The following ALOX5 variants were observed in gnomAD, a reference collection of about 807,000 sequenced individuals.
The protein encoded by ALOX5 is arachidonate 5-lipoxygenase, also known as polyunsaturated fatty acid 5-lipoxygenase.
Under a neutral mutation model 87.9 loss-of-function variants are expected in ALOX5, and 64 were observed. That is an observed-to-expected ratio of 0.73 (90% CI 0.60 to 0.90). The LOEUF is 0.90. Ranked by LOEUF, ALOX5 falls within the 40% of genes least tolerant of loss-of-function variation. The pLI is 0.00. For missense variants in ALOX5, 822 were observed against 907.5 expected, an observed-to-expected ratio of 0.91 and a Z score of 1.21; for synonymous variants, 388 against 355.1, an observed-to-expected ratio of 1.09 and a Z score of -1.04.
At chr10:45,393,777 G>C (rs931310291) in intron 2 of ALOX5, among the ~76,000 whole-genome samples, 16 of 152,176 alleles carry the variant, frequency 1.1e-4, no homozygotes, top group Admixed American at 7.9e-4. Context: ...CAAAATCAAT[G>C]TGCAAGAATC....
chr10:45,397,907 A>C (rs1840567877), intron 3 of ALOX5, among the ~76,000 whole-genome samples: 1 of 152,222 alleles, frequency 6.6e-6, no homozygotes. Flanking sequence ...TTAAAATGGC[A>C]ATACCCCACA....
At chr10:45,427,784 C>A (rs1315577545) in intron 6 of ALOX5, among the ~76,000 whole-genome samples, 7 of 152,192 alleles carry the variant, frequency 4.6e-5, no homozygotes, top group African/African-American at 1.7e-4. Context: ...CTGCGGGACC[C>A]ACTGCGCGGC....
chr10:45,413,360 G>A (rs547899255), intron 4 of ALOX5, among the ~76,000 whole-genome samples: 5 of 152,180 alleles, frequency 3.3e-5, no homozygotes, highest in Admixed American at 6.5e-5. Flanking sequence ...TATCTCAATA[G>A]ATGCAGAAAA....
intron 7 of ALOX5, among the ~76,000 whole-genome samples, chr10:45,437,614 GC>G (rs1053420215): frequency 6.6e-6 from 1 of 152,150 alleles, no homozygotes; most frequent in African/African-American, 2.4e-5. Context: ...GTGCTCACAG[GC>G]ATGTCCCAGC....
chr10:45,409,754 C>T (rs1287700850), intron 3 of ALOX5, among the ~76,000 whole-genome samples: 1 of 152,224 alleles, frequency 6.6e-6, no homozygotes, highest in African/African-American at 2.4e-5. Context: ...TGTCTGTGGC[C>T]ATGCAGGCCT....
rs772760111 is a variant in ALOX5, at chr10:45,443,110, C to T, written c.1345C>T (p.Leu449=). 2 of 1,613,838 alleles carry T rather than the reference C, an allele frequency of 1.2e-6. No individual in the cohort carries two copies. The highest frequency in any genetic ancestry group is 1.7e-6 in the Non-Finnish European group (2 of 1,180,014). The change falls in exon 10 of 14, where the codon CTG becomes TTG. Residue 449 remains leucine (L), a synonymous_variant. Transcript: ENST00000374391. The part of the protein sequence containing the change: ...RAMKDLTYAS[L]CFPEAIKARG... ...CATGAAGGACCTGACCTATGCCTCC[C>T]TGTGCTTTCCCGAGGCCATCAAGGC...
At chr10:45,440,751 C>T in intron 8 of ALOX5, 118 bp downstream of exon 8, 3 of 1,128,920 alleles carry the variant, frequency 2.7e-6, no homozygotes, top group Non-Finnish European at 2.5e-6. Context: ...AAAGGGAGCC[C>T]TGGAGAGATG....
rs765143957 is a variant in ALOX5 at position 45,444,283 on chromosome 10, C to A, written c.1842C>A (p.Asn614Lys). The A allele has an allele frequency of 8.4e-6, 13 of 1,552,220 alleles. No homozygotes were observed. Among genetic ancestry groups the A allele is most frequent in the South Asian group, 8.3e-5 (7 of 84,246 alleles). Residue 614 changes from asparagine (N) to lysine (K), a missense_variant, in exon 13 of 14, where the codon AAC (asparagine) becomes AAA (lysine). Transcript: ENST00000374391. ...AVWALSQFQE[N>K]ELFLGMYPEE... ...GGGCGCTGAGCCAGTTCCAGGAAAACGAGGTGAAGCTGGGCAGGGCGGGGC... is the reference window on the plus strand; with the variant it reads ...GGGCGCTGAGCCAGTTCCAGGAAAAAGAGGTGAAGCTGGGCAGGGCGGGGC...
chr10:45,431,016 T>C (rs1389320566), intron 7 of ALOX5, among the ~76,000 whole-genome samples: 1 of 152,230 alleles, frequency 6.6e-6, no homozygotes. Context: ...GTGTATTAAA[T>C]GACTATATGT....
In ALOX5 at chr10:45,374,462, G is replaced by C. The variant is rs199905570; in HGVS notation, c.150+33G>C. On this transcript the variant is annotated intron_variant, in intron 1 of 13. Coordinates refer to ENST00000374391, the MANE Select transcript of ALOX5 (RefSeq NM_000698.5). The stretch of plus-strand genomic sequence containing the variant: ...CGGGCGGGGCACGGGTGGAGCGCGG[G>C]CTGAGGTGCGTCCGGGACCCGGTTT... 4.8e-4 allele frequency: 717 copies of C among 1,497,150 alleles called. 5 individuals are homozygous for C. In the African/African-American group the frequency reaches 9.4e-3, roughly 20 times the overall value. 92.7% of individuals were successfully genotyped at this position (1,497,150 alleles called of 1,614,324 possible).
intron 3 of ALOX5, among the ~76,000 whole-genome samples, 185 bp from the exon 4 acceptor site, chr10:45,412,006 G>C (rs10900215): frequency 0.18 from 27,452 of 152,158 alleles, 2,882 homozygotes; most frequent in African/African-American, 0.26. Flanking sequence ...AAGTTGGTGC[G>C]ACTGGACTTT....
chr10:45,386,029 C>T (rs1839994983), intron 2 of ALOX5, among the ~76,000 whole-genome samples: 1 of 151,930 alleles, frequency 6.6e-6, no homozygotes, highest in Admixed American at 6.6e-5. Context: ...GTAGAGAGAC[C>T]CCATCTCTAC....
intron 7 of ALOX5, among the ~76,000 whole-genome samples, chr10:45,431,869 G>A (rs1026060422): frequency 1.3e-5 from 2 of 152,104 alleles, no homozygotes; most frequent in Non-Finnish European, 2.9e-5. Context: ...ACCGCACCCG[G>A]CCAACTATAA....
intron 2 of ALOX5, among the ~76,000 whole-genome samples, chr10:45,383,172 C>A (rs1371396777): frequency 6.6e-6 from 1 of 152,236 alleles, no homozygotes; most frequent in Non-Finnish European, 1.5e-5. Context: ...TCTGAGGAGC[C>A]ATGGACAAGC....
chr10:45,444,214 G>A lies in ALOX5; in HGVS notation c.1773G>A (p.Thr591=), dbSNP rs1842356020. 2 of 1,555,172 alleles carry A rather than the reference G, an allele frequency of 1.3e-6. No homozygotes were observed. The highest frequency in any genetic ancestry group is 2.4e-5 in the East Asian group (1 of 41,564). The stretch of plus-strand genomic sequence containing the variant: ...TGACCATTGAGCAGATCGTGGACAC[G>A]CTGCCCGACCGCGGCCGCTCCTGCT... ...GVVTIEQIVD[T]LPDRGRSCWH... Residue 591 remains threonine (T), a synonymous_variant, in exon 13 of 14, where the codon ACG becomes ACA. Coordinates refer to ENST00000374391, the MANE Select transcript of ALOX5 (RefSeq NM_000698.5).
intron 6 of ALOX5, among the ~76,000 whole-genome samples, chr10:45,426,790 C>A (rs1459574156): frequency 6.6e-6 from 1 of 152,212 alleles, no homozygotes; most frequent in Non-Finnish European, 1.5e-5. Context: ...ATGTCTCAAT[C>A]CTCTGCCTCT....
At chr10:45,381,865 T>A (rs1588979323) in intron 1 of ALOX5, among the ~76,000 whole-genome samples, 1 of 152,260 alleles carries the variant, frequency 6.6e-6, no homozygotes, top group East Asian at 1.9e-4. Context: ...GGTAAATGAA[T>A]TCAGGAGTTC....
At chr10:45,386,571 G>A (rs1023065630) in intron 2 of ALOX5, among the ~76,000 whole-genome samples, 3 of 151,366 alleles carry the variant, frequency 2.0e-5, no homozygotes, top group African/African-American at 7.3e-5. Flanking sequence ...TGTGACTTTT[G>A]CACCTAATAA....
intron 3 of ALOX5, among the ~76,000 whole-genome samples, chr10:45,397,041 A>C (rs1471566448): frequency 1.3e-5 from 2 of 152,236 alleles, no homozygotes; most frequent in Admixed American, 1.3e-4. Flanking sequence ...TAAAACACTC[A>C]AAAAATAGGA....
Sources: allele counts gnomAD v4.1 joint callset (sites outside exome capture counted in the v4.1 genomes callset), GRCh38; gene constraint gnomAD v4.1.1; transcripts MANE v1.5; gene names NCBI Gene and HGNC (gene_info 2026-07-23, HGNC 2026-07-21).